The following KIF2A variants were observed in gnomAD, a reference collection of about 807,000 sequenced individuals.
The protein encoded by KIF2A is kinesin family member 2A, also known as kinesin-like protein KIF2A.
KIF2A carries 22 observed loss-of-function variants against 100.2 expected under a neutral mutation model. The observed-to-expected ratio is 0.22, with a 90% CI of 0.16 to 0.31. The LOEUF is 0.31. KIF2A is among the 10% of genes least tolerant of loss of function. The pLI is 1.00. For missense variants in KIF2A, 495 were observed against 898.7 expected (o/e 0.55, Z 5.74); for synonymous variants, 268 against 285.9 (o/e 0.94, Z 0.63).
In KIF2A at chr5:62,363,833, T is replaced by C; in HGVS notation, c.1401T>C (p.Thr467=). Residue 467 remains threonine (T), a synonymous_variant, in exon 14 of 21, where the codon ACT becomes ACC. Transcript: ENST00000407818. ...CTGGAAATGAAAGAGGAGCTGATAC[T>C]TCCAGTGCGGACAGGCAAACTAGGC... ...DLAGNERGAD[T]SSADRQTRLE... is the part of the protein sequence containing the mutation. The C allele has an allele frequency of 6.2e-7, 1 of 1,613,956 alleles. No homozygotes were observed. Among genetic ancestry groups the C allele is most frequent in the Non-Finnish European group, 8.5e-7 (1 of 1,179,852 alleles).
intron 1 of KIF2A, among the ~76,000 whole-genome samples, chr5:62,329,510 G>A (rs1746535504): frequency 6.6e-6 from 1 of 152,162 alleles, no homozygotes; most frequent in South Asian, 2.1e-4. Flanking sequence ...ATTGCTTTCT[G>A]TCCTCAGTTA....
In KIF2A at chr5:62,306,461, C is replaced by T. The variant is rs959506991; in HGVS notation, c.-12C>T. On this transcript the variant is annotated 5_prime_UTR_variant, in exon 1 of 21. Transcript: ENST00000407818. ...CCTCCCTCGGCCCGCTGCTGCTGCT[C>T]CAGATGAGGTGATGGCAACGGCCAA... 6.5e-7 allele frequency: 1 copy of T among 1,540,920 alleles called. No individual in the cohort carries two copies. The highest frequency in any genetic ancestry group is 8.8e-7 in the Non-Finnish European group (1 of 1,142,320).
chr5:62,372,915 C>T (rs1741383985), intron 17 of KIF2A, among the ~76,000 whole-genome samples: 1 of 152,036 alleles, frequency 6.6e-6, no homozygotes, highest in South Asian at 2.1e-4. Context: ...GTTTCCTTGT[C>T]TGCAAGGAGC....
intron 1 of KIF2A, among the ~76,000 whole-genome samples, chr5:62,335,511 T>C (rs1169627267): frequency 6.6e-6 from 1 of 152,160 alleles, no homozygotes; most frequent in Non-Finnish European, 1.5e-5. Flanking sequence ...TTGAATTCTG[T>C]ACAGGGGTGG....
chr5:62,308,317 G>A (rs745483457), intron 1 of KIF2A: 4 of 1,388,554 alleles, frequency 2.9e-6, no homozygotes, highest in Non-Finnish European at 3.7e-6. Context: ...AGGTAAATAC[G>A]AGTTCACAGT....
chr5:62,356,734 T>C (rs1748126896), intron 7 of KIF2A, among the ~76,000 whole-genome samples: 2 of 151,938 alleles, frequency 1.3e-5, no homozygotes, highest in Admixed American at 1.3e-4. Flanking sequence ...CTTAGTAGAA[T>C]AGAAATGTTG....
At chr5:62,355,365 T>C in intron 7 of KIF2A, 111 bp downstream of exon 7, 1 of 596,644 alleles carries the variant, frequency 1.7e-6, no homozygotes, top group Non-Finnish European at 3.0e-6. Context: ...TTCCTTTCCT[T>C]GTGGGTGCTC....
intron 18 of KIF2A, among the ~76,000 whole-genome samples, chr5:62,374,492 T>C (rs549748571): frequency 6.6e-6 from 1 of 152,050 alleles, no homozygotes; most frequent in Non-Finnish European, 1.5e-5. Flanking sequence ...TTGGGAAAAA[T>C]TTAAAGTAAT....
Position 62,376,902 on chromosome 5 carries a change from G to A in KIF2A, c.1912-759G>A, listed in dbSNP as rs553766422. Among the ~76,000 whole-genome samples the A allele has an allele frequency of 3.4e-4, 51 of 152,116 alleles. No homozygotes were observed. In the South Asian group the frequency reaches 9.5e-3, roughly 28 times the overall value. On this transcript the variant is annotated intron_variant, in intron 18 of 20. Coordinates refer to ENST00000407818, the MANE Select transcript of KIF2A (RefSeq NM_001098511.3). ...GACTGCCTGAATATACCCAAATTGC[G>A]CATACACAAGTCCCACAGCTGGCCC... is the stretch of plus-strand genomic sequence containing the variant.
At chr5:62,385,353 CAAA>C in intron 20 of KIF2A, 128 bp from the exon 21 acceptor site, 1 of 619,296 alleles carries the variant, frequency 1.6e-6, no homozygotes, top group Non-Finnish European at 2.8e-6. Context: ...TTCTAGACAA[CAAA>C]GAACAAAAGG....
Position 62,381,242 on chromosome 5 carries a change from C to G in KIF2A, c.2138C>G (p.Thr713Ser), listed in dbSNP as rs370754960. 2.5e-5 allele frequency: 40 copies of G among 1,612,320 alleles called. No individual in the cohort carries two copies. The highest frequency in any genetic ancestry group is 2.9e-5 in the Non-Finnish European group (34 of 1,178,704). Reference sequence around the variant, plus strand: ...CTTGAGCAAAAAATAGACATTTTAACTGAACTGCGGGGTAATTCTTTTTCC... The same window carrying G: ...CTTGAGCAAAAAATAGACATTTTAAGTGAACTGCGGGGTAATTCTTTTTCC... ...AILEQKIDIL[T>S]ELRDKVKSFR... Residue 713 changes from threonine (T) to serine (S), a missense_variant, in exon 20 of 21, where the codon ACT (threonine) becomes AGT (serine). By Grantham distance (58) the Thr-to-Ser change is moderately conservative (BLOSUM62 1). This residue lies in a region of KIF2A where 58 missense variants were observed against 94.8 expected (regional missense o/e 0.61). Coordinates refer to ENST00000407818, the MANE Select transcript of KIF2A (RefSeq NM_001098511.3).
At chr5:62,381,737 A>C (rs1741779803) in intron 20 of KIF2A, among the ~76,000 whole-genome samples, 1 of 151,954 alleles carries the variant, frequency 6.6e-6, no homozygotes, top group South Asian at 2.1e-4. Flanking sequence ...GCTAATTTTT[A>C]ATTTTTTGTA....
rs1742172669 is a variant in KIF2A, at chr5:62,389,107, A to G, written c.*3538A>G. 16 of 1,481,610 alleles carry G rather than the reference A, an allele frequency of 1.1e-5. No individual in the cohort carries two copies. The highest frequency in any genetic ancestry group is 1.5e-5 in the Non-Finnish European group (16 of 1,067,716). 91.8% of individuals were successfully genotyped at this position (1,481,610 alleles called of 1,614,324 possible). ...CTGAAAAGCTAATTTGTAGCACATA[A>G]CGGTATATAGTTCTATACCATTAAT... On this transcript the variant is annotated 3_prime_UTR_variant, in exon 21 of 21. Transcript: ENST00000407818.
At chr5:62,316,054 G>A (rs1745805267) in intron 1 of KIF2A, among the ~76,000 whole-genome samples, 1 of 152,166 alleles carries the variant, frequency 6.6e-6, no homozygotes, top group South Asian at 2.1e-4. Flanking sequence ...AGAATACAGT[G>A]TAGAGGACTG....
rs573495200 is a variant in KIF2A, at chr5:62,385,767, A to G, written c.*198A>G. ...TCTAGTCCAGGAGGCACAACCAAGAACTGGGATTAATGAAGCATTTTGTTT... is the reference window on the plus strand; with the variant it reads ...TCTAGTCCAGGAGGCACAACCAAGAGCTGGGATTAATGAAGCATTTTGTTT... On this transcript the variant is annotated 3_prime_UTR_variant, in exon 21 of 21. Transcript: ENST00000407818. The G allele has an allele frequency of 5.5e-5, 30 of 544,178 alleles. No homozygotes were observed. The highest frequency in any genetic ancestry group is 4.9e-4 in the African/African-American group (26 of 53,044). 33.7% of individuals were successfully genotyped at this position (544,178 alleles called of 1,614,324 possible). A position where few individuals can be genotyped will look rare whatever the true frequency, so the allele number is the denominator to read the frequency against.
intron 5 of KIF2A, 119 bp downstream of exon 5, chr5:62,352,829 A>C: frequency 1.4e-6 from 1 of 730,322 alleles, no homozygotes; most frequent in Non-Finnish European, 2.0e-6. Flanking sequence ...TGCAGATTTC[A>C]TTTTACCACT....
chr5:62,375,531 G>A (rs940270030), intron 18 of KIF2A, among the ~76,000 whole-genome samples: 6 of 152,118 alleles, frequency 3.9e-5, no homozygotes, highest in African/African-American at 1.4e-4. Context: ...TTATTCCAGC[G>A]CCAAACCTTG....
rs1358967381 is a variant in KIF2A, at chr5:62,388,274, A to G, written c.*2705A>G. On this transcript the variant is annotated 3_prime_UTR_variant, in exon 21 of 21. Coordinates refer to ENST00000407818, the MANE Select transcript of KIF2A (RefSeq NM_001098511.3). ...AACCCTCTGAAATTTTGCTAAGCCT[A>G]TAGTTATCTCCCTAAGAACCATAAA... 6 of 152,232 alleles carry G rather than the reference A, an allele frequency of 3.9e-5. No individual in the cohort carries two copies. Among genetic ancestry groups the G allele is most frequent in the African/African-American group, 2.4e-5 (1 of 41,464 alleles). The allele number at this position is 152,232 out of a possible 1,614,324, so 9.4% of individuals were successfully genotyped here.
intron 1 of KIF2A, among the ~76,000 whole-genome samples, chr5:62,315,988 T>C (rs529947616): frequency 1.3e-5 from 2 of 152,354 alleles, no homozygotes; most frequent in Non-Finnish European, 2.9e-5. Context: ...ATTTGCAAAG[T>C]CTGAGTATAG....
Sources: gnomAD v4.1 joint callset for allele counts (sites outside exome capture counted in the v4.1 genomes callset) on GRCh38, gnomAD v4.1.1 for gene constraint, gnomAD v4.1.1 regional missense constraint, MANE v1.5 for transcripts, NCBI Gene and HGNC (gene_info 2026-07-23, HGNC 2026-07-21) for gene names.